Variants in ROR2 observed in about 807,000 individuals in gnomAD.
The protein encoded by ROR2 is ROR family WNT receptor 2, also known as tyrosine-protein kinase transmembrane receptor ROR2.
In ROR2, 33 loss-of-function variants were observed where a neutral mutation model predicts 74.9. That is an observed-to-expected ratio of 0.44 (90% CI 0.33 to 0.59). ROR2 has a LOEUF of 0.59. Ranked by LOEUF, ROR2 falls within the 20% of genes least tolerant of loss-of-function variation. The probability of loss-of-function intolerance (pLI) is 0.02; values close to 1 mark genes in which losing one functional copy is unlikely to be tolerated. For synonymous variants in ROR2, 586 were observed against 558.7 expected (o/e 1.05, Z -0.69); for missense variants, 1,216 against 1,313.8 (o/e 0.93, Z 1.15).
At chr9:91,839,249 GGGGTGTGTGTGTGTGTGTGTGTGTGTGT>G (rs1446528036) in intron 1 of ROR2, among the ~76,000 whole-genome samples, 1 of 132,604 alleles carries the variant, frequency 7.5e-6, no homozygotes, top group Non-Finnish European at 1.6e-5. Context: ...TGTCAGATCG[GGGGTGTGTGTGTGTGTGTGTGTGTGTGT>G]GTGTGTGTGT....
At chr9:91,866,769 G>A (rs1829646748) in intron 1 of ROR2, among the ~76,000 whole-genome samples, 1 of 151,978 alleles carries the variant, frequency 6.6e-6, no homozygotes. Flanking sequence ...GCTTAATATT[G>A]CCACATAAGG....
At chr9:91,948,720 C>G (rs887137285) in intron 1 of ROR2, 52 of 985,394 alleles carry the variant, frequency 5.3e-5, no homozygotes, top group Non-Finnish European at 6.1e-5. Flanking sequence ...CACCTTCCTG[C>G]AGGAGTGCAG....
chr9:91,767,362 C>CA (rs1826092570), intron 2 of ROR2, among the ~76,000 whole-genome samples: 1 of 152,166 alleles, frequency 6.6e-6, no homozygotes, highest in East Asian at 1.9e-4. Context: ...TGTGAGCCAC[C>CA]ATGTCCAGCC....
At chr9:91,818,147 T>C (rs181261647) in intron 1 of ROR2, among the ~76,000 whole-genome samples, 5 of 152,312 alleles carry the variant, frequency 3.3e-5, no homozygotes, top group Admixed American at 6.5e-5. Flanking sequence ...GCCTCAAAGT[T>C]TGACTTCTTT....
At chr9:91,759,472 T>C (rs967521154) in intron 2 of ROR2, among the ~76,000 whole-genome samples, 6 of 152,162 alleles carry the variant, frequency 3.9e-5, no homozygotes, top group African/African-American at 7.2e-5. Flanking sequence ...TTTAAAAAGA[T>C]AGGCTGAATC....
intron 1 of ROR2, among the ~76,000 whole-genome samples, chr9:91,899,137 G>C (rs1427994621): frequency 2.6e-5 from 4 of 152,236 alleles, no homozygotes; most frequent in Non-Finnish European, 4.4e-5. Flanking sequence ...CCTGACCTCT[G>C]TCCTCCAGAA....
intron 1 of ROR2, among the ~76,000 whole-genome samples, chr9:91,844,064 G>C (rs1157758799): frequency 6.6e-6 from 1 of 152,224 alleles, no homozygotes; most frequent in Non-Finnish European, 1.5e-5. Context: ...GGCGGATGAA[G>C]GGAGGGGGCC....
chr9:91,849,037 C>T (rs1829019161), intron 1 of ROR2, among the ~76,000 whole-genome samples: 1 of 152,134 alleles, frequency 6.6e-6, no homozygotes, highest in African/African-American at 2.4e-5. Context: ...ACAGCGACCA[C>T]CCTCCATCAT....
chr9:91,724,001 C>A lies in ROR2; in HGVS notation c.2493G>T (p.Gly831=). 6.2e-7 allele frequency: 1 copy of A among 1,612,784 alleles called. No homozygotes were observed. Among genetic ancestry groups the A allele is most frequent in the South Asian group, 1.1e-5 (1 of 91,084 alleles). The change falls in exon 9 of 9, where the codon GGG becomes GGT. Residue 831 remains glycine, a synonymous_variant. Coordinates refer to ENST00000375708, the MANE Select transcript of ROR2 (RefSeq NM_004560.4). The part of the protein sequence containing the change: ...VNGYQPVPAY[G]AYLPNFYPVQ... ...CCGGGTAGAAGTTGGGCAGGTAGGC[C>A]CCATAGGCCGGCACCGGCTGGTAGC...
intron 2 of ROR2, among the ~76,000 whole-genome samples, chr9:91,764,391 A>G (rs961910150): frequency 6.6e-6 from 1 of 151,266 alleles, no homozygotes; most frequent in African/African-American, 2.4e-5. Context: ...ATTGCCTTTT[A>G]TTTTTTCTTT....
chr9:91,941,782 T>C (rs1008775696), intron 1 of ROR2, among the ~76,000 whole-genome samples: 1 of 138,768 alleles, frequency 7.2e-6, no homozygotes. Context: ...CCCTCCTTTC[T>C]CTTCTCTTCT....
chr9:91,834,876 G>A (rs914369851), intron 1 of ROR2, among the ~76,000 whole-genome samples: 7 of 152,168 alleles, frequency 4.6e-5, no homozygotes, highest in Admixed American at 2.6e-4. Flanking sequence ...AATAAAACCC[G>A]ATAGCATGGG....
At chr9:91,915,912 G>T (rs937116555) in intron 1 of ROR2, among the ~76,000 whole-genome samples, 1 of 152,074 alleles carries the variant, frequency 6.6e-6, no homozygotes, top group Non-Finnish European at 1.5e-5. Flanking sequence ...TCCTCACCCC[G>T]CCCAGAAATC....
intron 1 of ROR2, among the ~76,000 whole-genome samples, chr9:91,940,103 G>A (rs1831808929): frequency 6.6e-6 from 1 of 152,178 alleles, no homozygotes; most frequent in Admixed American, 6.5e-5. Context: ...CAAGCCCACG[G>A]GAACCCCAGA....
At chr9:91,743,765 AT>A (rs1422873936) in intron 4 of ROR2, among the ~76,000 whole-genome samples, 1 of 152,236 alleles carries the variant, frequency 6.6e-6, no homozygotes, top group African/African-American at 2.4e-5. Flanking sequence ...ACTGGGGTTA[AT>A]TTAATGCCAC....
chr9:91,889,359 G>A (rs1016098375), intron 1 of ROR2, among the ~76,000 whole-genome samples: 1 of 152,218 alleles, frequency 6.6e-6, no homozygotes, highest in Non-Finnish European at 1.5e-5. Context: ...ACACTGTGAA[G>A]GTGCCTGTCT....
intron 1 of ROR2, among the ~76,000 whole-genome samples, chr9:91,932,042 T>C (rs1032731319): frequency 2.0e-5 from 3 of 152,314 alleles, no homozygotes; most frequent in Non-Finnish European, 2.9e-5. Context: ...CAATCTATCA[T>C]GGAATTTTAA....
chr9:91,845,064 G>A (rs1401329349), intron 1 of ROR2, among the ~76,000 whole-genome samples: 1 of 152,162 alleles, frequency 6.6e-6, no homozygotes, highest in African/African-American at 2.4e-5. Context: ...GCCTGTAAGG[G>A]GAGGGGCAGT....
intron 1 of ROR2, among the ~76,000 whole-genome samples, chr9:91,778,492 A>G (rs1412712059): frequency 6.6e-6 from 1 of 152,188 alleles, no homozygotes; most frequent in East Asian, 1.9e-4. Context: ...TGATGAGCTC[A>G]CCAGGCAAGG....
Sources: gnomAD v4.1 joint callset for allele counts (sites outside exome capture counted in the v4.1 genomes callset) on GRCh38, gnomAD v4.1.1 for gene constraint, MANE v1.5 for transcripts, NCBI Gene and HGNC (gene_info 2026-07-23, HGNC 2026-07-21) for gene names.